The following SH2D1A variants were observed in gnomAD, a reference collection of about 807,000 sequenced individuals.
The protein encoded by SH2D1A is SH2 domain-containing protein 1A.
In SH2D1A, 6 loss-of-function variants were observed where a neutral mutation model predicts 10.1. The observed-to-expected ratio is 0.60, with a 90% CI of 0.33 to 1.18. The LOEUF is 1.18. Ranked by LOEUF, SH2D1A falls within the 50% of genes most tolerant of loss-of-function variation. SH2D1A has a pLI of 0.04. For synonymous variants in SH2D1A, 42 were observed against 36.9 expected (o/e 1.14, Z -0.51); for missense variants, 51 against 97.6 (o/e 0.52, Z 2.01).
At chrX:124,349,160 G>T (rs993793283) in intron 1 of SH2D1A, among the ~76,000 whole-genome samples, 2 of 111,973 alleles carry the variant, frequency 1.8e-5, no homozygotes, top group Non-Finnish European at 3.8e-5. Context: ...GTGAAGTAGC[G>T]GAAAATACTA....
chrX:124,360,824 G>T (rs1343743084), intron 1 of SH2D1A, among the ~76,000 whole-genome samples: 1 of 110,701 alleles, frequency 9.0e-6, no homozygotes, highest in Admixed American at 9.7e-5. Context: ...GGCAAATTAA[G>T]TAGGATTACT....
intron 1 of SH2D1A, among the ~76,000 whole-genome samples, chrX:124,362,675 T>A (rs774745857): frequency 9.0e-6 from 1 of 111,612 alleles, no homozygotes; most frequent in Non-Finnish European, 1.9e-5. Context: ...ATGAGTTAAT[T>A]TCTTTTGAGG....
rs1004240910 is a variant in SH2D1A at position 124,372,674 on chromosome X, G to T, written c.*1283G>T. Reference sequence around the variant, plus strand: ...TCTGGTCCATGGGCCATATGAAAAGGCTAAGCTTCACTGTAAAATAATAAC... The same window carrying T: ...TCTGGTCCATGGGCCATATGAAAAGTCTAAGCTTCACTGTAAAATAATAAC... On this transcript the variant is annotated 3_prime_UTR_variant, in exon 4 of 4. Transcript: ENST00000371139. 5.9e-6 allele frequency: 1 copy of T among 168,417 alleles called. No homozygotes were observed. The highest frequency in any genetic ancestry group is 1.1e-5 in the Non-Finnish European group (1 of 87,794). 13.9% of individuals were successfully genotyped at this position (168,417 alleles called of 1,213,427 possible).
intron 1 of SH2D1A, chrX:124,364,557 T>C (rs2060049202): frequency 5.7e-6 from 1 of 174,750 alleles, no homozygotes; most frequent in Non-Finnish European, 1.1e-5. Context: ...CAGGCTGGAG[T>C]GCAGTGGCGT....
chrX:124,372,508 G>C lies in SH2D1A; in HGVS notation c.*1117G>C, dbSNP rs7888021. The stretch of plus-strand genomic sequence containing the variant: ...ATAAAAGACAGTGAAAGAAAATAAC[G>C]ATAAAAGACAGTGAAAGAAAATAAC... On this transcript the variant is annotated 3_prime_UTR_variant, in exon 4 of 4. Coordinates refer to ENST00000371139, the MANE Select transcript of SH2D1A (RefSeq NM_002351.5). The C allele has an allele frequency of 5.9e-6, 1 of 170,370 alleles. No homozygotes were observed. Among genetic ancestry groups the C allele is most frequent in the Non-Finnish European group, 1.1e-5 (1 of 89,104 alleles). 14.0% of individuals were successfully genotyped at this position (170,370 alleles called of 1,213,427 possible).
intron 2 of SH2D1A, among the ~76,000 whole-genome samples, chrX:124,366,600 C>T (rs778835079): frequency 3.6e-5 from 4 of 110,794 alleles, no homozygotes; most frequent in African/African-American, 6.6e-5. Flanking sequence ...ATAGCTCTCA[C>T]GTTTACTGAT....
intron 1 of SH2D1A, among the ~76,000 whole-genome samples, chrX:124,355,843 T>G (rs2060024881): frequency 8.9e-6 from 1 of 111,833 alleles, no homozygotes. Context: ...GTAATCAGAG[T>G]GGCATCCCCT....
At chrX:124,349,121 G>A (rs936226778) in intron 1 of SH2D1A, among the ~76,000 whole-genome samples, 2 of 112,141 alleles carry the variant, frequency 1.8e-5, no homozygotes, top group Non-Finnish European at 3.8e-5. Context: ...CAGTTTTTAT[G>A]ACTCTTAGTT....
chrX:124,347,719 C>T (rs140145738), intron 1 of SH2D1A, among the ~76,000 whole-genome samples: 2,844 of 111,278 alleles, frequency 0.026, 89 homozygotes, highest in East Asian at 0.22. Context: ...AAAATTAGCA[C>T]TGGGGCCTGA....
At chrX:124,359,488 T>C (rs763671146) in intron 1 of SH2D1A, among the ~76,000 whole-genome samples, 1 of 111,806 alleles carries the variant, frequency 8.9e-6, no homozygotes, top group East Asian at 2.8e-4. Flanking sequence ...GAACCTATGC[T>C]GTTTCACTGC....
intron 1 of SH2D1A, among the ~76,000 whole-genome samples, chrX:124,354,386 T>C (rs1459830060): frequency 9.0e-6 from 1 of 111,310 alleles, no homozygotes; most frequent in Non-Finnish European, 1.9e-5. Context: ...TGGACAGTTC[T>C]AGCTCCATGT....
At chrX:124,350,279 ATAT>A (rs1282108297) in intron 1 of SH2D1A, among the ~76,000 whole-genome samples, 4 of 23,063 alleles carry the variant, frequency 1.7e-4, no homozygotes, top group Non-Finnish European at 6.2e-5. Flanking sequence ...ATTATATATA[ATAT>A]TATATAATAT....
chrX:124,349,912 A>G lies in SH2D1A; in HGVS notation c.137+3133A>G, dbSNP rs2060003542. On this transcript the variant is annotated intron_variant, in intron 1 of 3. Coordinates refer to ENST00000371139, the MANE Select transcript of SH2D1A (RefSeq NM_002351.5). Reference sequence around the variant, plus strand: ...TAAAAATAGTTCCTTATACCTATTCATTATAGAAAATTTGAAACATATAGA... The same window carrying G: ...TAAAAATAGTTCCTTATACCTATTCGTTATAGAAAATTTGAAACATATAGA... Among the ~76,000 whole-genome samples the G allele has an allele frequency of 5.6e-5, 6 of 106,841 alleles. No homozygotes were observed. The South Asian group carries it at 2.4e-3, about 42-fold the overall frequency. The allele number at this position is 106,841 out of a possible 115,157, so 92.8% of individuals were successfully genotyped here.
rs1352534349 is a variant in SH2D1A, at chrX:124,346,626, C to G, written c.-17C>G. The stretch of plus-strand genomic sequence containing the variant: ...GCACAGTTCTCCTCCTCGGCCTGCC[C>G]AAGAGTCCACCAGGCCATGGACGCA... On this transcript the variant is annotated 5_prime_UTR_variant, in exon 1 of 4. Coordinates refer to ENST00000371139, the MANE Select transcript of SH2D1A (RefSeq NM_002351.5). 2.5e-6 allele frequency: 3 copies of G among 1,209,667 alleles called. No individual in the cohort carries two copies. Among genetic ancestry groups the G allele is most frequent in the African/African-American group, 3.5e-5 (2 of 57,350 alleles).
At chrX:124,349,985 G>A (rs1192870938) in intron 1 of SH2D1A, among the ~76,000 whole-genome samples, 3 of 102,069 alleles carry the variant, frequency 2.9e-5, no homozygotes, top group African/African-American at 7.1e-5. Context: ...ACCTAAAGAT[G>A]ACTATTGCTA....
In SH2D1A at chrX:124,373,115, A is replaced by G. The variant is rs898465645; in HGVS notation, c.*1724A>G. 2.7e-5 allele frequency: 4 copies of G among 147,445 alleles called. No homozygotes were observed. The highest frequency in any genetic ancestry group is 5.4e-5 in the Non-Finnish European group (4 of 74,619). The allele number at this position is 147,445 out of a possible 1,213,427, so 12.2% of individuals were successfully genotyped here. On this transcript the variant is annotated 3_prime_UTR_variant, in exon 4 of 4. Transcript: ENST00000371139. ...AAAAAAAGCTTTTTTTGAATCATCA[A>G]GTCTTTCACATTTAAATAAAGTGTT...
chrX:124,359,719 C>G (rs2060035315), intron 1 of SH2D1A, among the ~76,000 whole-genome samples: 1 of 111,630 alleles, frequency 9.0e-6, no homozygotes. Context: ...AGGCATATAT[C>G]AAGCTATTTT....
chrX:124,357,434 A>G (rs1222816922), intron 1 of SH2D1A, among the ~76,000 whole-genome samples: 1 of 112,264 alleles, frequency 8.9e-6, no homozygotes, highest in Admixed American at 9.4e-5. Flanking sequence ...GCTATTGTGA[A>G]TAATGCTGCA....
At chrX:124,360,330 G>T (rs1250738531) in intron 1 of SH2D1A, among the ~76,000 whole-genome samples, 1 of 106,461 alleles carries the variant, frequency 9.4e-6, no homozygotes, top group Non-Finnish European at 1.9e-5. Flanking sequence ...GGCTAGGTGT[G>T]GTGGCTCACA....
Sources: allele counts gnomAD v4.1 joint callset (sites outside exome capture counted in the v4.1 genomes callset), GRCh38; gene constraint gnomAD v4.1.1; transcripts MANE v1.5; gene names NCBI Gene and HGNC (gene_info 2026-07-23, HGNC 2026-07-21).